The following PCDHGB1 variants were observed in gnomAD, a reference collection of about 807,000 sequenced individuals.
PCDHGB1 encodes protocadherin gamma subfamily B, 1.
A neutral mutation model predicts 56.6 loss-of-function variants in PCDHGB1; 34 were observed. The observed-to-expected ratio is 0.60, with a 90% CI of 0.46 to 0.80. PCDHGB1 has a LOEUF of 0.80. Ranked by LOEUF, PCDHGB1 falls within the 30% of genes least tolerant of loss-of-function variation. The pLI is 0.00. For synonymous variants in PCDHGB1, 561 were observed against 505.9 expected (o/e 1.11, Z -1.46); for missense variants, 1,278 against 1,204.6 (o/e 1.06, Z -0.90).
At chr5:141,369,567 A>G (rs1325702872) in intron 1 of PCDHGB1, among the ~76,000 whole-genome samples, 2 of 152,244 alleles carry the variant, frequency 1.3e-5, no homozygotes, top group African/African-American at 4.8e-5. Flanking sequence ...ACAAAGGAAA[A>G]GAGACCCTCT....
At position 141,476,666 on chromosome 5, in the gene PCDHGB1, G is replaced by A. The variant is rs2099395856; in HGVS notation, c.2410-18141G>A. On this transcript the variant is annotated intron_variant, in intron 1 of 3. Coordinates refer to ENST00000523390, the MANE Select transcript of PCDHGB1 (RefSeq NM_018922.3). The surrounding 1 kb of genome is among the most constrained non-coding windows in gnomAD (Gnocchi z 7.6). The stretch of plus-strand genomic sequence containing the variant: ...CCGAAATGAATACTTTGCGCTTCGC[G>A]TGCAGACGCGGGAGGACAGCACCAA... 6.2e-7 allele frequency: 1 copy of A among 1,614,128 alleles called. No individual in the cohort carries two copies.
At chr5:141,389,311 A>C in intron 1 of PCDHGB1, 2 of 1,613,988 alleles carry the variant, frequency 1.2e-6, no homozygotes, top group Non-Finnish European at 1.7e-6. Context: ...AGGGCTTCTG[A>C]TCCGGACTTG....
chr5:141,359,582 T>A (rs936451476), intron 1 of PCDHGB1, among the ~76,000 whole-genome samples: 2 of 151,660 alleles, frequency 1.3e-5, no homozygotes, highest in African/African-American at 4.9e-5. Context: ...CTTTAAGATA[T>A]AACAACTAAA....
chr5:141,422,263 C>T lies in PCDHGB1; in HGVS notation c.2409+69594C>T, dbSNP rs755271863. On this transcript the variant is annotated intron_variant, in intron 1 of 3. Transcript: ENST00000523390. ...TGTTGTGGATGTGAATGATAACGCT[C>T]CAGAAATAACTATCACCTCTTCTAT... is the stretch of plus-strand genomic sequence containing the variant. 1.0e-5 allele frequency: 16 copies of T among 1,563,686 alleles called. No individual in the cohort carries two copies. The South Asian group carries it at 1.7e-4, about 17-fold the overall frequency.
chr5:141,419,035 T>G, intron 1 of PCDHGB1: 1 of 1,613,954 alleles, frequency 6.2e-7, no homozygotes, highest in Non-Finnish European at 8.5e-7. Context: ...GTGTTCCATT[T>G]AAGATTCATT....
intron 1 of PCDHGB1, among the ~76,000 whole-genome samples, chr5:141,434,451 A>C (rs145324240): frequency 6.6e-6 from 1 of 152,210 alleles, no homozygotes; most frequent in Non-Finnish European, 1.5e-5. Context: ...GCTGGAAGGT[A>C]GTGGGTTTAC....
chr5:141,401,689 A>G (rs2094183367), intron 1 of PCDHGB1, among the ~76,000 whole-genome samples: 1 of 152,222 alleles, frequency 6.6e-6, no homozygotes, highest in Non-Finnish European at 1.5e-5. Context: ...ATGGAAGGTG[A>G]ATACAGGATT....
rs1243327893 is a variant in PCDHGB1, at chr5:141,491,671, C to A, written c.2410-3136C>A. 2.5e-6 allele frequency: 4 copies of A among 1,613,366 alleles called. No homozygotes were observed. Among genetic ancestry groups the A allele is most frequent in the Non-Finnish European group, 3.4e-6 (4 of 1,179,808 alleles). On this transcript the variant is annotated intron_variant, in intron 1 of 3. Coordinates refer to ENST00000523390, the MANE Select transcript of PCDHGB1 (RefSeq NM_018922.3). The surrounding 1 kb of genome is among the most constrained non-coding windows in gnomAD (Gnocchi z 6.9). Reference sequence around the variant, plus strand: ...GCTGGAGCCTGACGCCATCCGGTCCCGCTCTAATACGCTGCGGGAGCGGAG... The same window carrying A: ...GCTGGAGCCTGACGCCATCCGGTCCAGCTCTAATACGCTGCGGGAGCGGAG...
intron 2 of PCDHGB1, among the ~76,000 whole-genome samples, chr5:141,501,365 A>G (rs1360125423): frequency 1.3e-5 from 2 of 151,500 alleles, no homozygotes; most frequent in Admixed American, 6.6e-5. Flanking sequence ...AACCATATTC[A>G]TCATCTCTTA....
At chr5:141,438,591 C>CATATATATAT (rs946798767) in intron 1 of PCDHGB1, among the ~76,000 whole-genome samples, 17 of 75,552 alleles carry the variant, frequency 2.3e-4, no homozygotes, top group Non-Finnish European at 3.8e-4. Context: ...TACATACATA[C>CATATATATAT]ATATATATAT....
chr5:141,489,800 A>G lies in PCDHGB1; in HGVS notation c.2410-5007A>G. 6.2e-7 allele frequency: 1 copy of G among 1,614,166 alleles called. No homozygotes were observed. Among genetic ancestry groups the G allele is most frequent in the Non-Finnish European group, 8.5e-7 (1 of 1,179,994 alleles). On this transcript the variant is annotated intron_variant, in intron 1 of 3. Coordinates refer to ENST00000523390, the MANE Select transcript of PCDHGB1 (RefSeq NM_018922.3). This position sits in a 1 kb window ranked among gnomAD's most constrained non-coding sequence, Gnocchi z 4.5. ...TCTCTGAATGTGAAGACCCTAAAAG[A>G]TGGGAAGCCATTCCCAGAGCTGGTG...
chr5:141,351,290 AC>A lies in PCDHGB1; in HGVS notation c.1031del (p.Thr344AsnfsTer18). The A allele has an allele frequency of 1.2e-6, 2 of 1,613,770 alleles. No homozygotes were observed. Among genetic ancestry groups the A allele is most frequent in the Non-Finnish European group, 1.7e-6 (2 of 1,179,678 alleles). ...VDENDNAPEV[T>X]FMSFSNQIPE... ...CGAGAATGACAATGCCCCAGAGGTG[AC>A]ATTCATGTCCTTCTCTAACCAGATT... On this transcript the variant is annotated frameshift_variant, in exon 1 of 4. Coordinates refer to ENST00000523390, the MANE Select transcript of PCDHGB1 (RefSeq NM_018922.3). LOFTEE classifies it high-confidence loss of function.
intron 1 of PCDHGB1, among the ~76,000 whole-genome samples, chr5:141,437,976 T>G (rs1182220385): frequency 1.3e-5 from 2 of 152,096 alleles, no homozygotes; most frequent in Non-Finnish European, 2.9e-5. Flanking sequence ...GATCTTGGGA[T>G]GCACCCACCC....
chr5:141,470,721 AG>A (rs948288535), intron 1 of PCDHGB1, among the ~76,000 whole-genome samples: 2 of 152,098 alleles, frequency 1.3e-5, no homozygotes, highest in African/African-American at 4.8e-5. Flanking sequence ...TTTTTGAGTC[AG>A]GGTCTTGCTC....
intron 1 of PCDHGB1, chr5:141,385,163 A>T: frequency 6.2e-7 from 1 of 1,614,182 alleles, no homozygotes; most frequent in Non-Finnish European, 8.5e-7. Flanking sequence ...ACCTATTCCC[A>T]TGAGGTCTCC....
At chr5:141,395,497 A>T in intron 1 of PCDHGB1, 1 of 472,724 alleles carries the variant, frequency 2.1e-6, no homozygotes, top group Non-Finnish European at 3.7e-6. Flanking sequence ...TCACTCATTC[A>T]CTTAAGAAGT....
chr5:141,362,442 C>T (rs1762499161), intron 1 of PCDHGB1: 1 of 1,614,062 alleles, frequency 6.2e-7, no homozygotes, highest in South Asian at 1.1e-5. Flanking sequence ...ATTTTCTGAA[C>T]ATAACCCCGG....
intron 1 of PCDHGB1, chr5:141,361,002 A>T (rs1235404407): frequency 6.2e-7 from 1 of 1,613,380 alleles, no homozygotes; most frequent in African/African-American, 1.3e-5. Context: ...AACAAGTGAA[A>T]CACTTTTTCA....
At position 141,430,258 on chromosome 5, in the gene PCDHGB1, A is replaced by G. The variant is rs542653323; in HGVS notation, c.2410-64549A>G. On this transcript the variant is annotated intron_variant, in intron 1 of 3. Coordinates refer to ENST00000523390, the MANE Select transcript of PCDHGB1 (RefSeq NM_018922.3). ...GAGAAACTCCTAGGGAGACATCTCC[A>G]TAATAGGTGTGTTGGGGGAACAGTA... is the stretch of plus-strand genomic sequence containing the variant. Among the ~76,000 whole-genome samples the G allele has an allele frequency of 5.4e-5, 8 of 148,074 alleles. No homozygotes were observed. In the South Asian group the frequency reaches 8.5e-4, roughly 16 times the overall value.
Sources: gnomAD v4.1 joint callset for allele counts (sites outside exome capture counted in the v4.1 genomes callset) on GRCh38, gnomAD v4.1.1 for gene constraint, Gnocchi (gnomAD v3.1) non-coding constraint, MANE v1.5 for transcripts, NCBI Gene and HGNC (gene_info 2026-07-23, HGNC 2026-07-21) for gene names.